The following FHIT variants were observed in gnomAD, a reference collection of about 807,000 sequenced individuals.
FHIT encodes bis(5'-adenosyl)-triphosphatase.
In FHIT, 19 loss-of-function variants were observed where a neutral mutation model predicts 17.9. The observed-to-expected ratio is 1.06, with a 90% CI of 0.74 to 1.56. The LOEUF is 1.56. Among genes scored for constraint, FHIT ranks in the 40% most tolerant of loss-of-function variants. The pLI, the probability that FHIT is intolerant of heterozygous loss-of-function variation, is 0.00. For synonymous variants in FHIT, 81 were observed against 69.7 expected, an observed-to-expected ratio of 1.16 and a Z score of -0.81; for missense variants, 248 against 189.2, an observed-to-expected ratio of 1.31 and a Z score of -1.82.
Position 60,720,007 on chromosome 3 carries a change from G to C in FHIT, c.-18+101912C>G, listed in dbSNP as rs546016796. ...CTCCCAGGAAAAGCAAATGTGATCA[G>C]AGCTTCCATGAGCTCTCAAAATAAA... On this transcript the variant is annotated intron_variant, in intron 4 of 9. Coordinates refer to ENST00000492590, the MANE Select transcript of FHIT (RefSeq NM_002012.4). 9.2e-5 allele frequency among the ~76,000 whole-genome samples: 14 copies of C among 152,272 alleles called. No individual in the cohort carries two copies. The East Asian group carries it at 2.7e-3, about 29-fold the overall frequency.
intron 4 of FHIT, among the ~76,000 whole-genome samples, chr3:60,660,575 T>C (rs1577039443): frequency 6.6e-6 from 1 of 152,034 alleles, no homozygotes; most frequent in African/African-American, 2.4e-5. Context: ...AGGAGATACA[T>C]TCCTGGTGCT....
At chr3:59,778,138 G>A (rs1237460414) in intron 8 of FHIT, among the ~76,000 whole-genome samples, 1 of 152,178 alleles carries the variant, frequency 6.6e-6, no homozygotes, top group Non-Finnish European at 1.5e-5. Context: ...ATCCCCCAGT[G>A]CCTGGAACTT....
At chr3:61,219,327 ATGTGTGTGTGTGTGTGTGTGTGTGTG>A (rs72023729) in intron 1 of FHIT, among the ~76,000 whole-genome samples, 1 of 146,890 alleles carries the variant, frequency 6.8e-6, no homozygotes, top group Non-Finnish European at 1.5e-5. Context: ...AAATCTAAAA[ATGTGTGTGTGTGTGTGTGTGTGTGTG>A]TGTGTGTGTG....
intron 4 of FHIT, among the ~76,000 whole-genome samples, chr3:60,578,427 A>C (rs1042103110): frequency 7.6e-6 from 1 of 130,724 alleles, no homozygotes; most frequent in Non-Finnish European, 1.6e-5. Context: ...AAAGAGCATG[A>C]CTCCATCTAC....
intron 4 of FHIT, among the ~76,000 whole-genome samples, chr3:60,567,173 C>A (rs138543432): frequency 0.083 from 12,529 of 151,864 alleles, 623 homozygotes; most frequent in South Asian, 0.26. Context: ...GCCAAAAGAA[C>A]AAAGCTGGAG....
At chr3:60,516,656 G>A (rs572785617) in intron 5 of FHIT, among the ~76,000 whole-genome samples, 7 of 152,268 alleles carry the variant, frequency 4.6e-5, no homozygotes, top group African/African-American at 1.7e-4. Flanking sequence ...TGATAGGTTT[G>A]CTCATGAGTG....
intron 5 of FHIT, among the ~76,000 whole-genome samples, chr3:60,481,193 A>T (rs1010691933): frequency 6.6e-6 from 1 of 152,198 alleles, no homozygotes; most frequent in Non-Finnish European, 1.5e-5. Flanking sequence ...CTGAATCTAC[A>T]ACTGATTGGA....
chr3:60,764,586 C>G (rs138740249), intron 4 of FHIT, among the ~76,000 whole-genome samples: 3 of 152,104 alleles, frequency 2.0e-5, no homozygotes, highest in African/African-American at 7.2e-5. Flanking sequence ...CCTTCTGTAA[C>G]TTTCTATTTA....
intron 5 of FHIT, among the ~76,000 whole-genome samples, chr3:60,148,488 G>C (rs1334448077): frequency 6.6e-6 from 1 of 151,976 alleles, no homozygotes; most frequent in Non-Finnish European, 1.5e-5. Context: ...TTTAACTTTG[G>C]ATATTTTACA....
At chr3:60,392,469 A>G (rs904522037) in intron 5 of FHIT, among the ~76,000 whole-genome samples, 1 of 152,206 alleles carries the variant, frequency 6.6e-6, no homozygotes, top group South Asian at 2.1e-4. Flanking sequence ...CACCTTGTTC[A>G]TGCTTTAACT....
At chr3:61,222,483 G>A (rs747990792) in intron 1 of FHIT, among the ~76,000 whole-genome samples, 11 of 152,152 alleles carry the variant, frequency 7.2e-5, no homozygotes, top group African/African-American at 9.7e-5. Flanking sequence ...GGGCACCAGC[G>A]GCAAGATTTC....
At chr3:60,757,400 G>A (rs1699472989) in intron 4 of FHIT, among the ~76,000 whole-genome samples, 1 of 152,310 alleles carries the variant, frequency 6.6e-6, no homozygotes, top group Non-Finnish European at 1.5e-5. Context: ...AGCCATTTAT[G>A]GTTTGTGATA....
At chr3:61,010,679 G>A (rs889359708) in intron 3 of FHIT, among the ~76,000 whole-genome samples, 6 of 152,130 alleles carry the variant, frequency 3.9e-5, no homozygotes, top group East Asian at 1.9e-4. Context: ...TGTCAGCATT[G>A]ACACTGCCAA....
chr3:60,047,123 T>G (rs997048081), intron 5 of FHIT, among the ~76,000 whole-genome samples: 33 of 152,242 alleles, frequency 2.2e-4, no homozygotes, highest in African/African-American at 7.7e-4. Flanking sequence ...GCAAGCATAC[T>G]GCCGTAATGT....
At chr3:59,749,763 A>G (rs540288359) in intron 9 of FHIT, 184 bp from the exon 10 acceptor site, 2 of 228,006 alleles carry the variant, frequency 8.8e-6, no homozygotes, top group African/African-American at 4.4e-5. Flanking sequence ...AGAACCCAGC[A>G]TCTAATTCTT....
intron 5 of FHIT, among the ~76,000 whole-genome samples, chr3:60,267,585 T>C (rs1015502175): frequency 3.3e-5 from 5 of 152,124 alleles, no homozygotes; most frequent in African/African-American, 1.2e-4. Flanking sequence ...CTGAACACAA[T>C]AGCAATTACC....
intron 5 of FHIT, among the ~76,000 whole-genome samples, chr3:60,236,231 G>GT (rs1380163365): frequency 6.7e-6 from 1 of 150,186 alleles, no homozygotes; most frequent in Non-Finnish European, 1.5e-5. Flanking sequence ...TCCTCTGATT[G>GT]TAACAATAAA....
chr3:60,132,835 A>G (rs1057053736), intron 5 of FHIT, among the ~76,000 whole-genome samples: 1 of 152,184 alleles, frequency 6.6e-6, no homozygotes, highest in Admixed American at 6.5e-5. Flanking sequence ...AAACTTTTTT[A>G]AAATCAAAAT....
In FHIT at chr3:59,877,491, T is replaced by C. The variant is rs571955532; in HGVS notation, c.348+44855A>G. On this transcript the variant is annotated intron_variant, in intron 8 of 9. Transcript: ENST00000492590. Reference sequence around the variant, plus strand: ...CAGGAAGGCCCAGAGCAGTGATCCATAGCATAAAGTGACAAGTGACAGGAG... The same window carrying C: ...CAGGAAGGCCCAGAGCAGTGATCCACAGCATAAAGTGACAAGTGACAGGAG... 1.1e-4 allele frequency among the ~76,000 whole-genome samples: 16 copies of C among 152,260 alleles called. 1 individual carries two copies. In the South Asian group the frequency reaches 2.3e-3, roughly 22 times the overall value.
Sources: allele counts gnomAD v4.1 joint callset (sites outside exome capture counted in the v4.1 genomes callset), GRCh38; gene constraint gnomAD v4.1.1; transcripts MANE v1.5; gene names NCBI Gene and HGNC (gene_info 2026-07-23, HGNC 2026-07-21).